MYO3B: variants seen among roughly 807,000 people sequenced by gnomAD.
MYO3B encodes myosin IIIB.
In MYO3B, 156 loss-of-function variants were observed where a neutral mutation model predicts 174.6. That is an observed-to-expected ratio of 0.89 (90% CI 0.78 to 1.02). MYO3B has a LOEUF of 1.02. Ranked by LOEUF, MYO3B falls within the 50% of genes least tolerant of loss-of-function variation. The pLI, the probability that MYO3B is intolerant of heterozygous loss-of-function variation, is 0.00. For missense variants in MYO3B, 1,632 were observed against 1,639.4 expected, an observed-to-expected ratio of 1.00 and a Z score of 0.08; for synonymous variants, 563 against 569.1, an observed-to-expected ratio of 0.99 and a Z score of 0.15.
intron 32 of MYO3B, 39 bp downstream of exon 32, chr2:170,544,027 T>C: frequency 1.4e-6 from 2 of 1,452,702 alleles, no homozygotes; most frequent in Non-Finnish European, 1.9e-6. Flanking sequence ...GCTTCTACCA[T>C]TTGCATGTTT....
Position 170,382,073 on chromosome 2 carries a change from C to G in MYO3B, c.1029C>G (p.Cys343Trp), listed in dbSNP as rs773678880. The G allele has an allele frequency of 5.6e-6, 9 of 1,613,372 alleles. No homozygotes were observed. In the South Asian group the frequency reaches 8.8e-5, roughly 16 times the overall value. Residue 343 changes from cysteine (C) to tryptophan (W), a missense_variant, in exon 10 of 35, where the codon TGC becomes TGG. Transcript: ENST00000408978. ...ATGTGGAAGATGCTGAAAAATACTG[C>G]CTTGAGGATGATTTGGTCAACCTAG... The part of the protein sequence containing the change: ...PYHVEDAEKY[C>W]LEDDLVNLEV...
At chr2:170,424,403 G>A (rs2094644395) in intron 22 of MYO3B, among the ~76,000 whole-genome samples, 1 of 152,122 alleles carries the variant, frequency 6.6e-6, no homozygotes. Context: ...TGGATCACAA[G>A]GTCAAGAGTT....
At chr2:170,412,597 A>G (rs2094552848) in intron 22 of MYO3B, among the ~76,000 whole-genome samples, 1 of 152,156 alleles carries the variant, frequency 6.6e-6, no homozygotes. Flanking sequence ...ATATCTGTAA[A>G]GCACTATAAC....
chr2:170,428,564 T>C (rs1054907256), intron 22 of MYO3B, among the ~76,000 whole-genome samples: 3 of 152,264 alleles, frequency 2.0e-5, no homozygotes, highest in African/African-American at 4.8e-5. Flanking sequence ...TACTGTTTAC[T>C]TCCTTGATTA....
At chr2:170,179,256 T>C (rs907177911) in intron 1 of MYO3B, among the ~76,000 whole-genome samples, 19 of 152,260 alleles carry the variant, frequency 1.2e-4, no homozygotes, top group African/African-American at 4.6e-4. Flanking sequence ...AGTGGAACCA[T>C]AAAGGTCAGT....
rs531535896 is a variant in MYO3B, at chr2:170,399,210, C to T, written c.1792-978C>T. Among the ~76,000 whole-genome samples the T allele has an allele frequency of 5.2e-3, 696 of 133,622 alleles. 8 individuals are homozygous for T. The highest frequency in any genetic ancestry group is 5.3e-3 in the Non-Finnish European group (338 of 63,376). The allele number at this position is 133,622 out of a possible 152,430, so 87.7% of individuals were successfully genotyped here. A position where few individuals can be genotyped will look rare whatever the true frequency, so the allele number is the denominator to read the frequency against. On this transcript the variant is annotated intron_variant, in intron 16 of 34. Transcript: ENST00000408978. Reference sequence around the variant, plus strand: ...TGAGCCGAGATCGCGCCATTGCACTCCAGCCTGGGCAACAAGAGCGAAATT... The same window carrying T: ...TGAGCCGAGATCGCGCCATTGCACTTCAGCCTGGGCAACAAGAGCGAAATT...
At chr2:170,639,407 G>A (rs1053008087) in intron 32 of MYO3B, among the ~76,000 whole-genome samples, 5 of 152,146 alleles carry the variant, frequency 3.3e-5, no homozygotes, top group Non-Finnish European at 5.9e-5. Flanking sequence ...CTGCTCCCGT[G>A]CTGGATCAAG....
rs111868634 is a variant in MYO3B at position 170,275,449 on chromosome 2, A to G, written c.749+39313A>G. ...TGGAACTTGATCTAATGGAATTGTT[A>G]CTGTTACTATGACATTTTTCATGTG... On this transcript the variant is annotated intron_variant, in intron 7 of 34. Transcript: ENST00000408978. Among the ~76,000 whole-genome samples, 858 of 152,280 alleles carry G rather than the reference A, an allele frequency of 5.6e-3. 8 individuals carry two copies. The highest frequency in any genetic ancestry group is 0.019 in the African/African-American group (807 of 41,580).
intron 7 of MYO3B, among the ~76,000 whole-genome samples, chr2:170,304,723 A>T (rs144298787): frequency 0.028 from 4,286 of 151,774 alleles, 75 homozygotes; most frequent in Middle Eastern, 0.045. Flanking sequence ...CGCCTCAGCC[A>T]CCCAAAGTAC....
rs1699042158 is a variant in MYO3B, at chr2:170,651,973, CT to C, written c.3841-132del. ...ATGCTTCATCAGGCTCACTTGAGCCCTTTGATCAAAAAAAATTATGCTGTGA... is the reference window on the plus strand; with the variant it reads ...ATGCTTCATCAGGCTCACTTGAGCCCTTGATCAAAAAAAATTATGCTGTGA... On this transcript the variant is annotated intron_variant, in intron 33 of 34. Transcript: ENST00000408978. 7 of 878,326 alleles carry C rather than the reference CT, an allele frequency of 8.0e-6. No individual in the cohort carries two copies. In the South Asian group the frequency reaches 1.1e-4, roughly 14 times the overall value. The allele number at this position is 878,326 out of a possible 1,614,324, so 54.4% of individuals were successfully genotyped here.
chr2:170,247,507 T>G (rs146534709), intron 7 of MYO3B, among the ~76,000 whole-genome samples: 44 of 152,316 alleles, frequency 2.9e-4, no homozygotes, highest in African/African-American at 1.0e-3. Flanking sequence ...GTTCTTTATC[T>G]CCACGCCAAG....
At chr2:170,544,715 T>C (rs1002707924) in intron 32 of MYO3B, among the ~76,000 whole-genome samples, 13 of 152,200 alleles carry the variant, frequency 8.5e-5, no homozygotes, top group African/African-American at 3.1e-4. Context: ...CAGTATGAAG[T>C]GGGAAATGCA....
At chr2:170,357,339 T>TTATATATATA (rs10675765) in intron 8 of MYO3B, among the ~76,000 whole-genome samples, 2 of 145,410 alleles carry the variant, frequency 1.4e-5, no homozygotes, top group African/African-American at 5.0e-5. Flanking sequence ...ATAATATATA[T>TTATATATATA]TATATATATA....
chr2:170,320,449 CA>C (rs1318322978), intron 7 of MYO3B, among the ~76,000 whole-genome samples: 1 of 151,978 alleles, frequency 6.6e-6, no homozygotes, highest in African/African-American at 2.4e-5. Flanking sequence ...ACATTGGTTG[CA>C]AAAGTTATTT....
chr2:170,218,886 A>G (rs1430311326), intron 6 of MYO3B, among the ~76,000 whole-genome samples: 1 of 152,218 alleles, frequency 6.6e-6, no homozygotes, highest in African/African-American at 2.4e-5. Context: ...GAAGCACTGC[A>G]GGATAAAGTC....
chr2:170,529,168 C>T (rs1250437032), intron 30 of MYO3B, among the ~76,000 whole-genome samples: 1 of 151,926 alleles, frequency 6.6e-6, no homozygotes, highest in South Asian at 2.1e-4. Context: ...CACATGGACA[C>T]GAAGAGGAGA....
chr2:170,410,710 C>T (rs2094541093), intron 22 of MYO3B, among the ~76,000 whole-genome samples: 2 of 151,474 alleles, frequency 1.3e-5, no homozygotes, highest in South Asian at 4.2e-4. Flanking sequence ...TTAGGAAGAC[C>T]CCTAAGAGAT....
chr2:170,367,315 C>T (rs2094206420), intron 8 of MYO3B, among the ~76,000 whole-genome samples: 1 of 152,204 alleles, frequency 6.6e-6, no homozygotes. Flanking sequence ...CAAGAAATTT[C>T]TCTCCCCATG....
intron 32 of MYO3B, among the ~76,000 whole-genome samples, chr2:170,575,199 C>T (rs1692711731): frequency 6.6e-6 from 1 of 152,044 alleles, no homozygotes; most frequent in Non-Finnish European, 1.5e-5. Context: ...ATCATGTTTA[C>T]AAAGAATCCT....
Sources: gnomAD v4.1 joint callset for allele counts (sites outside exome capture counted in the v4.1 genomes callset) on GRCh38, gnomAD v4.1.1 for gene constraint, MANE v1.5 for transcripts, NCBI Gene and HGNC (gene_info 2026-07-23, HGNC 2026-07-21) for gene names.